KCTD8: variants seen among roughly 807,000 people sequenced by gnomAD.
The protein encoded by KCTD8 is potassium channel tetramerization domain containing 8.
A neutral mutation model predicts 31.5 loss-of-function variants in KCTD8; 27 were observed. That is an observed-to-expected ratio of 0.86 (90% CI 0.63 to 1.18). The LOEUF (loss-of-function observed/expected upper bound fraction) is 1.18, where lower values mean the gene tolerates loss of function less well. Ranked by LOEUF, KCTD8 falls within the 50% of genes most tolerant of loss-of-function variation. KCTD8 has a pLI of 0.00. For synonymous variants in KCTD8, 290 were observed against 280.0 expected (o/e 1.04, Z -0.36); for missense variants, 658 against 647.7 (o/e 1.02, Z -0.17).
At chr4:44,225,815 C>CTTTT (rs35751540) in intron 1 of KCTD8, among the ~76,000 whole-genome samples, 12 of 74,450 alleles carry the variant, frequency 1.6e-4, no homozygotes, top group South Asian at 5.3e-4. Flanking sequence ...GGTTTTGTCT[C>CTTTT]TTTTTTTTTT....
chr4:44,344,375 T>C (rs1442570052), intron 1 of KCTD8, among the ~76,000 whole-genome samples: 1 of 152,046 alleles, frequency 6.6e-6, no homozygotes, highest in African/African-American at 2.4e-5. Flanking sequence ...TTGTAGAAAT[T>C]GGGTCTCCCT....
intron 1 of KCTD8, among the ~76,000 whole-genome samples, chr4:44,318,413 T>G (rs183093529): frequency 6.6e-6 from 1 of 152,342 alleles, no homozygotes; most frequent in Admixed American, 6.5e-5. Flanking sequence ...GTGAAATTTC[T>G]GATGGGTCTA....
intron 1 of KCTD8, among the ~76,000 whole-genome samples, chr4:44,263,370 T>A (rs567424291): frequency 6.6e-6 from 1 of 152,256 alleles, no homozygotes; most frequent in African/African-American, 2.4e-5. Context: ...TGTCATGACA[T>A]TGAATCAATA....
intron 1 of KCTD8, among the ~76,000 whole-genome samples, chr4:44,285,176 T>C (rs761592183): frequency 6.6e-6 from 1 of 152,180 alleles, no homozygotes; most frequent in Admixed American, 6.5e-5. Context: ...TGTACACATA[T>C]GTGTATTGCA....
intron 1 of KCTD8, among the ~76,000 whole-genome samples, chr4:44,395,796 C>T (rs1040457362): frequency 8.6e-5 from 13 of 151,944 alleles, no homozygotes; most frequent in Admixed American, 4.6e-4. Flanking sequence ...AGGTTCCACC[C>T]GCATTTGAGG....
In KCTD8 at chr4:44,334,013, A is replaced by C. The variant is rs138652064; in HGVS notation, c.961+113550T>G. 5.4e-3 allele frequency among the ~76,000 whole-genome samples: 815 copies of C among 152,274 alleles called. 12 individuals are homozygous for C. The highest frequency in any genetic ancestry group is 0.018 in the African/African-American group (758 of 41,578). The stretch of plus-strand genomic sequence containing the variant: ...TGAACACCATACAACTGGAGAAATC[A>C]CTACCCATTTATAGCTAATTTAAAA... On this transcript the variant is annotated intron_variant, in intron 1 of 1. Transcript: ENST00000360029.
chr4:44,235,605 T>A (rs1390776323), intron 1 of KCTD8, among the ~76,000 whole-genome samples: 7 of 115,150 alleles, frequency 6.1e-5, no homozygotes, highest in Admixed American at 1.8e-4. Context: ...AGAGAGAGAG[T>A]ATGAGTAAAA....
chr4:44,437,539 T>A (rs556559077), intron 1 of KCTD8, among the ~76,000 whole-genome samples: 1 of 152,338 alleles, frequency 6.6e-6, no homozygotes, highest in African/African-American at 2.4e-5. Context: ...TTTATGTTTC[T>A]GATTTTTTTT....
intron 1 of KCTD8, among the ~76,000 whole-genome samples, chr4:44,218,955 A>G (rs1403660125): frequency 6.6e-6 from 1 of 152,146 alleles, no homozygotes; most frequent in Non-Finnish European, 1.5e-5. Flanking sequence ...TTTTCTACTC[A>G]AAGCACATTG....
intron 1 of KCTD8, among the ~76,000 whole-genome samples, chr4:44,234,781 T>C (rs1366392649): frequency 6.6e-6 from 1 of 152,154 alleles, no homozygotes; most frequent in Non-Finnish European, 1.5e-5. Context: ...ACCCTCAGGG[T>C]CTTTACATTC....
chr4:44,227,074 T>C (rs1714984838), intron 1 of KCTD8, among the ~76,000 whole-genome samples: 1 of 152,354 alleles, frequency 6.6e-6, no homozygotes, highest in Non-Finnish European at 1.5e-5. Flanking sequence ...TTGGCTTTTG[T>C]TGCCATTGCT....
chr4:44,354,640 T>G (rs535962793), intron 1 of KCTD8, among the ~76,000 whole-genome samples: 1 of 152,250 alleles, frequency 6.6e-6, no homozygotes, highest in Admixed American at 6.5e-5. Context: ...GCAAATTATT[T>G]CATTTGCACG....
chr4:44,389,648 A>G (rs975206019), intron 1 of KCTD8, among the ~76,000 whole-genome samples: 18 of 151,828 alleles, frequency 1.2e-4, no homozygotes, highest in Non-Finnish European at 1.9e-4. Flanking sequence ...TGCAAGATGT[A>G]AAGAGTTCTG....
At chr4:44,359,414 T>C (rs925440196) in intron 1 of KCTD8, among the ~76,000 whole-genome samples, 27 of 152,170 alleles carry the variant, frequency 1.8e-4, no homozygotes, top group Admixed American at 1.6e-3. Flanking sequence ...ATTTTGCATA[T>C]GCCAACTTAT....
intron 1 of KCTD8, among the ~76,000 whole-genome samples, chr4:44,181,935 G>A (rs894779762): frequency 1.3e-4 from 19 of 142,282 alleles, no homozygotes; most frequent in South Asian, 4.5e-4. Context: ...CCCTCCACCC[G>A]GCAGCCGCCC....
rs1185092466 is a variant in KCTD8, at chr4:44,174,870, T to A, written c.1342A>T (p.Lys448Ter). The A allele has an allele frequency of 4.3e-6, 7 of 1,613,834 alleles. No homozygotes were observed. The highest frequency in any genetic ancestry group is 1.1e-5 in the South Asian group (1 of 91,080). Residue 448 changes from lysine (K) to a stop codon, truncating the protein, a stop_gained, in exon 2 of 2, where the codon AAA becomes TAA. Transcript: ENST00000360029. LOFTEE classifies it high-confidence loss of function. ...EEMKKCIQDF[K>*]KIHIPDYFPE... Reference sequence around the variant, plus strand: ...AAATAATCTGGAATGTGGATTTTTTTAAAATCCTGAATACACTTTTTCATT... The same window carrying A: ...AAATAATCTGGAATGTGGATTTTTTAAAAATCCTGAATACACTTTTTCATT...
chr4:44,371,429 T>C (rs1292911580), intron 1 of KCTD8, among the ~76,000 whole-genome samples: 3 of 152,224 alleles, frequency 2.0e-5, no homozygotes, highest in African/African-American at 4.8e-5. Flanking sequence ...ACTTTATCTA[T>C]TGGCTTTCGT....
intron 1 of KCTD8, among the ~76,000 whole-genome samples, chr4:44,191,447 A>G (rs555211408): frequency 1.3e-5 from 2 of 152,288 alleles, no homozygotes; most frequent in South Asian, 4.1e-4. Context: ...GGGCAAAAAG[A>G]GCCATATTTT....
chr4:44,340,301 CA>C (rs1464638940), intron 1 of KCTD8, among the ~76,000 whole-genome samples: 2 of 146,606 alleles, frequency 1.4e-5, no homozygotes, highest in African/African-American at 5.2e-5. Flanking sequence ...TACATATGTA[CA>C]TTTTTGTTTT....
Sources: gnomAD v4.1 joint callset for allele counts (sites outside exome capture counted in the v4.1 genomes callset) on GRCh38, gnomAD v4.1.1 for gene constraint, MANE v1.5 for transcripts, NCBI Gene and HGNC (gene_info 2026-07-23, HGNC 2026-07-21) for gene names.